PPP2R2D: variants seen among roughly 807,000 people sequenced by gnomAD.
PPP2R2D encodes protein phosphatase 2 regulatory subunit Bdelta.
Under a neutral mutation model 31.1 loss-of-function variants are expected in PPP2R2D, and 9 were observed. That is an observed-to-expected ratio of 0.29 (90% CI 0.17 to 0.51). PPP2R2D has a LOEUF of 0.51. Among genes scored for constraint, PPP2R2D ranks in the 20% least tolerant of loss-of-function variants. PPP2R2D has a pLI of 0.98. For missense variants in PPP2R2D, 391 were observed against 465.6 expected, an observed-to-expected ratio of 0.84 and a Z score of 1.48; for synonymous variants, 179 against 172.6, an observed-to-expected ratio of 1.04 and a Z score of -0.29.
At position 131,906,449 on chromosome 10, in the gene PPP2R2D, T is replaced by C. The variant is rs965227707; in HGVS notation, c.100+5119T>C. On this transcript the variant is annotated intron_variant, in intron 2 of 8. Transcript: ENST00000455566. ...AAACAAAACTAAAGGTTTGTTTGCT[T>C]AAGTCAAGCTTGAGTCTGGGGAGTT... Among the ~76,000 whole-genome samples, 1,032 of 152,336 alleles carry C rather than the reference T, an allele frequency of 6.8e-3. 11 individuals are homozygous for C. Among genetic ancestry groups the C allele is most frequent in the African/African-American group, 0.024 (997 of 41,574 alleles).
At chr10:131,901,631 C>T (rs1401048888) in intron 2 of PPP2R2D, among the ~76,000 whole-genome samples, 2 of 152,090 alleles carry the variant, frequency 1.3e-5, no homozygotes, top group Non-Finnish European at 2.9e-5. Flanking sequence ...CTGCCCGGGG[C>T]GGAACCGAAG....
At chr10:131,902,493 T>C (rs1474506092) in intron 2 of PPP2R2D, among the ~76,000 whole-genome samples, 2 of 152,230 alleles carry the variant, frequency 1.3e-5, no homozygotes, top group Non-Finnish European at 2.9e-5. Context: ...CCTAGGTTAT[T>C]AAGCAGGTGA....
intron 8 of PPP2R2D, among the ~76,000 whole-genome samples, chr10:131,955,432 G>A (rs1165081762): frequency 6.6e-6 from 1 of 152,202 alleles, no homozygotes; most frequent in African/African-American, 2.4e-5. Context: ...ATACACTAAT[G>A]TTAAAAGTGT....
In PPP2R2D at chr10:131,946,703, T is replaced by C. The variant is rs201408290; in HGVS notation, c.821-827T>C. On this transcript the variant is annotated intron_variant, in intron 7 of 8. Coordinates refer to ENST00000455566, the MANE Select transcript of PPP2R2D (RefSeq NM_018461.5). ...GTCGGCACAGCTGGCTTCAAGTTAA[T>C]TTCAGATGCTAAGCCGACAAACACA... 3.5e-3 allele frequency among the ~76,000 whole-genome samples: 533 copies of C among 152,214 alleles called. 3 individuals carry two copies. The highest frequency in any genetic ancestry group is 0.013 in the African/African-American group (519 of 41,502).
At position 131,955,739 on chromosome 10, in the gene PPP2R2D, C is replaced by T. The variant is rs1416617235; in HGVS notation, c.1138C>T (p.Arg380Trp). 3.9e-6 allele frequency: 6 copies of T among 1,535,302 alleles called. No individual in the cohort carries two copies. Among genetic ancestry groups the T allele is most frequent in the African/African-American group, 2.8e-5 (2 of 72,484 alleles). The change falls in exon 9 of 9, where the codon CGG (arginine) becomes TGG (tryptophan). Residue 380 changes from arginine (R) to tryptophan (W), a missense_variant. This residue lies in a region of PPP2R2D where 163 missense variants were observed against 179.5 expected (regional missense o/e 0.91). Coordinates refer to ENST00000455566, the MANE Select transcript of PPP2R2D (RefSeq NM_018461.5). Reference protein sequence around the residue: ...NFFRMFDRDTRRDVTLEASRE... With the variant: ...NFFRMFDRDTWRDVTLEASRE... Reference sequence around the variant, plus strand: ...CTTCAGGATGTTTGATAGAGACACGCGGAGGGATGTGACCCTGGAGGCCTC... The same window carrying T: ...CTTCAGGATGTTTGATAGAGACACGTGGAGGGATGTGACCCTGGAGGCCTC...
intron 2 of PPP2R2D, among the ~76,000 whole-genome samples, chr10:131,905,413 C>T (rs1056500906): frequency 8.5e-4 from 130 of 152,296 alleles, no homozygotes; most frequent in African/African-American, 3.0e-3. Context: ...TCTCCTGGAA[C>T]GTACTTCATT....
chr10:131,962,802 A>G (rs2036941815), downstream of PPP2R2D, among the ~76,000 whole-genome samples: 1 of 152,202 alleles, frequency 6.6e-6, no homozygotes, highest in Non-Finnish European at 1.5e-5. Context: ...CAAGGCAGAG[A>G]GGTGGCTGCA....
downstream of PPP2R2D, among the ~76,000 whole-genome samples, chr10:131,963,545 G>A (rs1470327000): frequency 6.6e-6 from 1 of 152,204 alleles, no homozygotes; most frequent in Non-Finnish European, 1.5e-5. Flanking sequence ...TCCTCACTGC[G>A]CGCGTCTGGG....
In PPP2R2D at chr10:131,935,225, A is replaced by C. The variant is rs182447360; in HGVS notation, c.198+670A>C. 2.6e-3 allele frequency among the ~76,000 whole-genome samples: 399 copies of C among 152,320 alleles called. 2 individuals carry two copies. The highest frequency in any genetic ancestry group is 9.5e-3 in the African/African-American group (393 of 41,570). On this transcript the variant is annotated intron_variant, in intron 3 of 8. Transcript: ENST00000455566. ...CTAATGAGCAGTGATAAAGGAAGCA[A>C]GATCATGATTTGGTAGTCAAGGATT...
intron 2 of PPP2R2D, among the ~76,000 whole-genome samples, chr10:131,923,054 C>G (rs148140873): frequency 2.6e-5 from 4 of 152,110 alleles, no homozygotes; most frequent in Admixed American, 2.0e-4. Flanking sequence ...GTGAAGTGTG[C>G]GGGTGAATAT....
chr10:131,966,269 T>C, the PPP2R2D span, among the ~76,000 whole-genome samples: 1 of 152,200 alleles, frequency 6.6e-6, no homozygotes, highest in Non-Finnish European at 1.5e-5. Flanking sequence ...AGTGGCCAAG[T>C]GGCCAATGTT....
chr10:131,970,442 C>T, the PPP2R2D span: 162 of 720,870 alleles, frequency 2.2e-4, no homozygotes, highest in South Asian at 2.7e-3. The surrounding 1 kb of genome is among the most constrained non-coding windows in gnomAD (Gnocchi z 4.1). Flanking sequence ...CACCACAGGG[C>T]GCCTGTGCTG....
the PPP2R2D span, chr10:131,971,254 G>A: frequency 4.6e-6 from 2 of 437,302 alleles, no homozygotes; most frequent in South Asian, 4.5e-5. Flanking sequence ...AGATTCTGGG[G>A]GTACTGACAG....
Position 131,902,293 on chromosome 10 carries a change from A to T in PPP2R2D, c.100+963A>T, listed in dbSNP as rs1053759040. ...AATGATTGGTGTTTGCACCAAATACACCTTCCCTGCCTCAAGTTACTAAAA... is the reference window on the plus strand; with the variant it reads ...AATGATTGGTGTTTGCACCAAATACTCCTTCCCTGCCTCAAGTTACTAAAA... On this transcript the variant is annotated intron_variant, in intron 2 of 8. Transcript: ENST00000455566. Among the ~76,000 whole-genome samples the T allele has an allele frequency of 2.0e-5, 3 of 152,266 alleles. No homozygotes were observed. In the East Asian group the frequency reaches 5.8e-4, roughly 29 times the overall value.
chr10:131,965,217 T>C, the PPP2R2D span, among the ~76,000 whole-genome samples: 1 of 152,184 alleles, frequency 6.6e-6, no homozygotes, highest in Non-Finnish European at 1.5e-5. Flanking sequence ...TGCTGGATCC[T>C]ATCTGACCAG....
At position 131,950,634 on chromosome 10, in the gene PPP2R2D, C is replaced by T. The variant is rs558850769; in HGVS notation, c.1082+2843C>T. Among the ~76,000 whole-genome samples the T allele has an allele frequency of 2.6e-5, 4 of 152,296 alleles. 1 individual carries two copies. In the South Asian group the frequency reaches 6.2e-4, roughly 24 times the overall value. On this transcript the variant is annotated intron_variant, in intron 8 of 8. Coordinates refer to ENST00000455566, the MANE Select transcript of PPP2R2D (RefSeq NM_018461.5). ...TATCACAACAGGAAACTCAGTAGAG[C>T]GAGCTGTAAAGGGAGCCTGGCCCTG...
Position 131,947,797 on chromosome 10 carries a change from G to A in PPP2R2D, c.1082+6G>A. The A allele has an allele frequency of 6.2e-7, 1 of 1,609,064 alleles. No individual in the cohort carries two copies. The highest frequency in any genetic ancestry group is 8.5e-7 in the Non-Finnish European group (1 of 1,175,766). On this transcript the variant is annotated splice_donor_region_variant and intron_variant, in intron 8 of 8. Coordinates refer to ENST00000455566, the MANE Select transcript of PPP2R2D (RefSeq NM_018461.5). This position sits in a 1 kb window ranked among gnomAD's most constrained non-coding sequence, Gnocchi z 4.3. ...TGCTGGAACGGTTCGGATAGGTAAGGCCTGCGTGGAGATGAGCTGTCGCCC... is the reference window on the plus strand; with the variant it reads ...TGCTGGAACGGTTCGGATAGGTAAGACCTGCGTGGAGATGAGCTGTCGCCC...
chr10:131,917,468 G>A (rs1351243837), intron 2 of PPP2R2D, among the ~76,000 whole-genome samples: 1 of 133,226 alleles, frequency 7.5e-6, no homozygotes, highest in African/African-American at 2.9e-5. Flanking sequence ...ACCTCAGGCG[G>A]GTGGAATGAC....
chr10:131,928,519 A>G (rs1027142166), intron 2 of PPP2R2D, among the ~76,000 whole-genome samples: 16 of 152,296 alleles, frequency 1.1e-4, no homozygotes, highest in Non-Finnish European at 1.9e-4. Context: ...GTACTTGGGT[A>G]TTGACAGGGT....
Sources: gnomAD v4.1 joint callset for allele counts (sites outside exome capture counted in the v4.1 genomes callset) on GRCh38, gnomAD v4.1.1 for gene constraint, gnomAD v4.1.1 regional missense constraint, Gnocchi (gnomAD v3.1) non-coding constraint, MANE v1.5 for transcripts, NCBI Gene and HGNC (gene_info 2026-07-23, HGNC 2026-07-21) for gene names.